BPTF: variants seen among roughly 807,000 people sequenced by gnomAD.
BPTF encodes the protein bromodomain PHD finger transcription factor, also known as nucleosome-remodeling factor subunit BPTF.
A neutral mutation model predicts 292.5 loss-of-function variants in BPTF; 18 were observed. The ratio of observed to expected loss-of-function variants is 0.06; its 90% CI spans 0.04 to 0.09. The LOEUF is 0.09. Among genes scored for constraint, BPTF ranks in the 10% least tolerant of loss-of-function variants. The probability of loss-of-function intolerance (pLI) is 1.00; values close to 1 mark genes in which losing one functional copy is unlikely to be tolerated. For synonymous variants in BPTF, 1,225 were observed against 1,251.9 expected, an observed-to-expected ratio of 0.98 and a Z score of 0.45; for missense variants, 2,726 against 3,498.7, an observed-to-expected ratio of 0.78 and a Z score of 5.57.
chr17:67,922,671 T>C (rs1356441594), intron 13 of BPTF, among the ~76,000 whole-genome samples, 169 bp from the exon 14 acceptor site: 1 of 152,166 alleles, frequency 6.6e-6, no homozygotes, highest in Non-Finnish European at 1.5e-5. Flanking sequence ...CTCACTTACG[T>C]ATTGTCTTTG....
intron 9 of BPTF, 129 bp from the exon 10 acceptor site, chr17:67,909,448 CTTTTT>C (rs78628269): frequency 2.1e-5 from 11 of 517,138 alleles, no homozygotes; most frequent in Non-Finnish European, 2.7e-5. Context: ...AGACCTTTGT[CTTTTT>C]TTTTTTTTTA....
chr17:67,912,110 G>A lies in BPTF; in HGVS notation c.4226G>A (p.Gly1409Glu). The A allele has an allele frequency of 6.2e-7, 1 of 1,607,820 alleles. No individual in the cohort carries two copies. Among genetic ancestry groups the A allele is most frequent in the Non-Finnish European group, 8.5e-7 (1 of 1,178,132 alleles). Residue 1409 changes from glycine to glutamate, a missense_variant, in exon 11 of 28, where the codon GGA becomes GAA. By Grantham distance (98) the Gly-to-Glu change is moderately conservative. Around this residue, in one of 22 missense-constraint regions of BPTF, gnomAD observed 713 missense variants for 714.9 expected, o/e 1.00. Coordinates refer to ENST00000306378, the MANE Select transcript of BPTF (RefSeq NM_182641.4). ...AGAACAAGTACATTTCAAATAAATG[G>A]AAAAGATAATAAACCCAAAATATAT... is the stretch of plus-strand genomic sequence containing the variant. ...GQRTSTFQIN[G>E]KDNKPKIYLK...
rs139312760 is a variant in BPTF at position 67,910,901 on chromosome 17, A to G, written c.3017A>G (p.Asp1006Gly). 6.1e-5 allele frequency: 97 copies of G among 1,597,540 alleles called. No individual in the cohort carries two copies. The highest frequency in any genetic ancestry group is 7.9e-5 in the Non-Finnish European group (93 of 1,173,322). The change falls in exon 11 of 28, where the codon GAC becomes GGC. Residue 1006 changes from aspartate to glycine, a missense_variant. Coordinates refer to ENST00000306378, the MANE Select transcript of BPTF (RefSeq NM_182641.4). ...DQDVKELLDS[D>G]SDKPCKEEPM... ...GATGTGAAGGAGCTCTTAGATTCTG[A>G]CAGTGATAAACCCTGCAAGGAAGAA...
At chr17:67,881,874 T>G (rs1041916181) in intron 4 of BPTF, among the ~76,000 whole-genome samples, 5 of 131,108 alleles carry the variant, frequency 3.8e-5, no homozygotes, top group Non-Finnish European at 6.1e-5. Flanking sequence ...TTTTTTTTTT[T>G]TTTTTTTTTT....
intron 11 of BPTF, among the ~76,000 whole-genome samples, chr17:67,917,131 C>CTTTTCCTTTCTTTTTTTTTTT (rs1194058584): frequency 2.8e-5 from 3 of 105,808 alleles, no homozygotes; most frequent in African/African-American, 1.1e-4. Context: ...TGGTATTGTC[C>CTTTTCCTTTCTTTTTTTTTTT]TTTTTTTTTT....
intron 1 of BPTF, among the ~76,000 whole-genome samples, chr17:67,833,630 A>G (rs1161581324): frequency 6.7e-6 from 1 of 149,528 alleles, no homozygotes; most frequent in Non-Finnish European, 1.5e-5. Flanking sequence ...GTGCAGTGGC[A>G]TGATCTTGGC....
At chr17:67,860,273 A>T in intron 2 of BPTF, among the ~76,000 whole-genome samples, 1 of 152,240 alleles carries the variant, frequency 6.6e-6, no homozygotes, top group Non-Finnish European at 1.5e-5. Flanking sequence ...TGAGATTAAA[A>T]TAATTTCAGT....
At chr17:67,883,308 T>C (rs1459980394) in intron 4 of BPTF, among the ~76,000 whole-genome samples, 1 of 152,080 alleles carries the variant, frequency 6.6e-6, no homozygotes, top group Non-Finnish European at 1.5e-5. Context: ...AGAGCGAGAC[T>C]CCATCTAAAA....
In BPTF at chr17:67,959,649, G is replaced by GCCCCTCCAT. The variant is rs1555682857; in HGVS notation, c.8043_8044insTCCCCTCCA (p.Pro2681_Ala2682insSerProPro). ...CCCCCCAGTGACACCAGCTCCTCCA[G>GCCCCTCCAT]CCCCTCCAGCCCCTCCACCTTCACC... On this transcript the variant is annotated inframe_insertion, in exon 24 of 28. Coordinates refer to ENST00000306378, the MANE Select transcript of BPTF (RefSeq NM_182641.4). 6.2e-7 allele frequency: 1 copy of GCCCCTCCAT among 1,600,850 alleles called. No individual in the cohort carries two copies. The highest frequency in any genetic ancestry group is 1.1e-5 in the South Asian group (1 of 89,426).
chr17:67,967,372 C>A (rs1408031414), intron 26 of BPTF, among the ~76,000 whole-genome samples: 1 of 151,356 alleles, frequency 6.6e-6, no homozygotes, highest in Non-Finnish European at 1.5e-5. Flanking sequence ...AATCTCCTGA[C>A]CTTGTGATCC....
At chr17:67,862,137 G>A (rs2059121604) in intron 2 of BPTF, among the ~76,000 whole-genome samples, 1 of 152,000 alleles carries the variant, frequency 6.6e-6, no homozygotes, top group Middle Eastern at 3.4e-3. Flanking sequence ...CACCACACCC[G>A]GCTAATTTTT....
chr17:67,898,886 C>T (rs1476388853), intron 7 of BPTF, among the ~76,000 whole-genome samples: 2 of 138,564 alleles, frequency 1.4e-5, no homozygotes, highest in African/African-American at 2.7e-5. Context: ...TGCACCACTG[C>T]ACTCCAGCAT....
intron 9 of BPTF, among the ~76,000 whole-genome samples, chr17:67,907,977 A>C (rs541177353): frequency 1.3e-5 from 2 of 152,278 alleles, no homozygotes; most frequent in African/African-American, 4.8e-5. Context: ...CAAGGAGTCC[A>C]AGAACCATTG....
intron 26 of BPTF, chr17:67,974,880 A>T (rs2069209541): frequency 6.6e-6 from 1 of 152,074 alleles, no homozygotes; most frequent in African/African-American, 2.4e-5. Context: ...TTACGTAGGC[A>T]TGAGTGATTA....
In BPTF at chr17:67,967,882, G is replaced by C. The variant is rs991398650; in HGVS notation, c.8539+1226G>C. 1.6e-4 allele frequency among the ~76,000 whole-genome samples: 24 copies of C among 151,248 alleles called. 1 individual carries two copies. Among genetic ancestry groups the C allele is most frequent in the African/African-American group, 5.9e-4 (24 of 40,700 alleles). ...AATAGAGGAGTAGCTATATCAGATG[G>C]TGTCTGAGTGGAGTATTATGCAGCT... On this transcript the variant is annotated intron_variant, in intron 26 of 27. Transcript: ENST00000306378.
chr17:67,916,363 G>A (rs948476636), intron 11 of BPTF, among the ~76,000 whole-genome samples: 9 of 152,162 alleles, frequency 5.9e-5, no homozygotes, highest in African/African-American at 2.2e-4. Flanking sequence ...GCCGAGGCAG[G>A]TGGATCACCT....
At chr17:67,886,696 T>A (rs571188082) in intron 4 of BPTF, among the ~76,000 whole-genome samples, 7 of 152,162 alleles carry the variant, frequency 4.6e-5, no homozygotes, top group Non-Finnish European at 7.4e-5. Flanking sequence ...TTTGGGCGAT[T>A]TTTTAGTTTT....
Position 67,866,544 on chromosome 17 carries a change from G to A in BPTF, c.1517G>A (p.Cys506Tyr), listed in dbSNP as rs377533941. ...TKVQLAELID[C>Y]LDKDYWEAEL... ...GTCCAACTTGCAGAATTAATTGACT[G>A]TCTAGACAAAGATTATTGGGAAGCA... is the stretch of plus-strand genomic sequence containing the variant. The change falls in exon 3 of 28, where the codon TGT (cysteine) becomes TAT (tyrosine). Residue 506 changes from cysteine (C) to tyrosine (Y), a missense_variant. Physicochemically the swap from Cys to Tyr is radical, Grantham distance 194. This residue lies in a region of BPTF where 187 missense variants were observed against 201.5 expected (regional missense o/e 0.93). Coordinates refer to ENST00000306378, the MANE Select transcript of BPTF (RefSeq NM_182641.4). The A allele has an allele frequency of 6.2e-7, 1 of 1,614,126 alleles. No homozygotes were observed. Among genetic ancestry groups the A allele is most frequent in the Non-Finnish European group, 8.5e-7 (1 of 1,179,996 alleles).
At chr17:67,972,587 A>G (rs1369194489) in intron 26 of BPTF, among the ~76,000 whole-genome samples, 3 of 152,082 alleles carry the variant, frequency 2.0e-5, no homozygotes, top group Non-Finnish European at 2.9e-5. Context: ...AAAGTTTCAT[A>G]GATTTTTTGG....
Sources: gnomAD v4.1 joint callset for allele counts (sites outside exome capture counted in the v4.1 genomes callset) on GRCh38, gnomAD v4.1.1 for gene constraint, gnomAD v4.1.1 regional missense constraint, MANE v1.5 for transcripts, NCBI Gene and HGNC (gene_info 2026-07-23, HGNC 2026-07-21) for gene names.